Variants in MCOLN2 observed in about 807,000 individuals in gnomAD.
MCOLN2 encodes mucolipin TRP cation channel 2.
In MCOLN2, 57 loss-of-function variants were observed where a neutral mutation model predicts 67.5. The observed-to-expected ratio is 0.84, with a 90% confidence interval of 0.68 to 1.05. MCOLN2 has a LOEUF of 1.05. Ranked by LOEUF, MCOLN2 falls within the 50% of genes least tolerant of loss-of-function variation. The pLI is 0.00. For missense variants in MCOLN2, 620 were observed against 678.8 expected (o/e 0.91, Z 0.96); for synonymous variants, 246 against 233.3 (o/e 1.05, Z -0.50).
chr1:84,965,523 C>T, intron 2 of MCOLN2, 26 bp downstream of exon 2: 1 of 1,605,630 alleles, frequency 6.2e-7, no homozygotes, highest in Non-Finnish European at 8.5e-7. Context: ...AAGGGAAAAA[C>T]CAAATGAAAT....
chr1:84,952,270 T>C lies in MCOLN2; in HGVS notation c.720A>G (p.Leu240=). 6 of 1,613,238 alleles carry C rather than the reference T, an allele frequency of 3.7e-6. No individual in the cohort carries two copies. The highest frequency in any genetic ancestry group is 5.1e-6 in the Non-Finnish European group (6 of 1,179,502). The part of the protein sequence containing the change: ...IDLQTIHSRE[L]PDCYVFQNTI... Reference sequence around the variant, plus strand: ...TATTCTGAAAGACATAACAGTCTGGTAACTCACGGGAATGAATTGTCTGTA... The same window carrying C: ...TATTCTGAAAGACATAACAGTCTGGCAACTCACGGGAATGAATTGTCTGTA... The change falls in exon 6 of 14, where the codon TTA becomes TTG. Residue 240 remains leucine (L), a synonymous_variant. Transcript: ENST00000370608.
intron 1 of MCOLN2, among the ~76,000 whole-genome samples, chr1:84,977,200 T>C (rs1442363667): frequency 2.6e-5 from 4 of 151,992 alleles, no homozygotes; most frequent in African/African-American, 9.7e-5. Flanking sequence ...GTTTATAAGA[T>C]AGTATTTACA....
intron 11 of MCOLN2, among the ~76,000 whole-genome samples, chr1:84,936,423 G>A (rs553496934): frequency 5.3e-5 from 8 of 152,180 alleles, no homozygotes; most frequent in Non-Finnish European, 1.0e-4. Flanking sequence ...TGACAAAGAG[G>A]TGGAAAAGCT....
intron 1 of MCOLN2, among the ~76,000 whole-genome samples, chr1:84,966,278 TA>T (rs928499985): frequency 9.9e-5 from 15 of 151,360 alleles, no homozygotes; most frequent in Non-Finnish European, 1.6e-4. Flanking sequence ...AAAAACAAAA[TA>T]AAAAAAACAA....
chr1:84,993,821 G>A (rs1418650301), intron 1 of MCOLN2, among the ~76,000 whole-genome samples: 2 of 151,164 alleles, frequency 1.3e-5, no homozygotes, highest in African/African-American at 2.4e-5. Context: ...TAGTAGAGAC[G>A]GGGTTTCACC....
At chr1:84,968,955 C>T (rs1649518486) in intron 1 of MCOLN2, among the ~76,000 whole-genome samples, 1 of 152,196 alleles carries the variant, frequency 6.6e-6, no homozygotes, top group African/African-American at 2.4e-5. Flanking sequence ...TTTGTTCATA[C>T]CCTTTTTGTC....
chr1:84,948,411 A>G (rs904570162), intron 6 of MCOLN2, among the ~76,000 whole-genome samples: 2 of 152,118 alleles, frequency 1.3e-5, no homozygotes, highest in Non-Finnish European at 2.9e-5. Flanking sequence ...TAACCAACCA[A>G]CACCCTAGGG....
intron 1 of MCOLN2, among the ~76,000 whole-genome samples, chr1:84,982,995 G>C (rs1221328505): frequency 6.6e-6 from 1 of 152,154 alleles, no homozygotes; most frequent in Non-Finnish European, 1.5e-5. Flanking sequence ...TGGGATTACA[G>C]GGGTGAGCCA....
In MCOLN2 at chr1:84,952,316, A is replaced by G; in HGVS notation, c.674T>C (p.Phe225Ser). Residue 225 changes from phenylalanine (F) to serine (S), a missense_variant, in exon 6 of 14, where the codon TTT becomes TCT. By Grantham distance (155) the Phe-to-Ser change is radical. Transcript: ENST00000370608. ...FYRLLQVEIS[F>S]HLKGIDLQTI... is the part of the protein sequence containing the mutation. ...CTGTAGGTCAATGCCTTTAAGATGA[A>G]AGGAGATTTCAACCTGTAAGAGCCT... is the stretch of plus-strand genomic sequence containing the variant. The G allele has an allele frequency of 6.2e-7, 1 of 1,613,562 alleles. No homozygotes were observed. Among genetic ancestry groups the G allele is most frequent in the Non-Finnish European group, 8.5e-7 (1 of 1,179,628 alleles).
At chr1:84,952,103 G>A (rs1322755784) in intron 6 of MCOLN2, 140 bp downstream of exon 6, 1 of 608,416 alleles carries the variant, frequency 1.6e-6, no homozygotes, top group Non-Finnish European at 2.9e-6. Context: ...AAAGAAAAGA[G>A]TATCATATTG....
At chr1:84,992,006 G>C (rs1027838233) in intron 1 of MCOLN2, among the ~76,000 whole-genome samples, 3 of 152,088 alleles carry the variant, frequency 2.0e-5, no homozygotes, top group African/African-American at 7.2e-5. Context: ...TCTCCCTAAG[G>C]AAAAGAAATT....
rs189857164 is a variant in MCOLN2, at chr1:84,927,590, G to T, written c.1665-869C>A. Among the ~76,000 whole-genome samples the T allele has an allele frequency of 2.0e-5, 3 of 152,346 alleles. No individual in the cohort carries two copies. The East Asian group carries it at 5.8e-4, about 29-fold the overall frequency. ...CTCAAAGGAGAATCAAATGTGTGCT[G>T]GTTGTTGGACTGCTTTGTTGAAGAG... On this transcript the variant is annotated intron_variant, in intron 13 of 13. Transcript: ENST00000370608.
At chr1:84,952,600 G>T in intron 4 of MCOLN2, 70 bp from the exon 5 acceptor site, 1 of 968,620 alleles carries the variant, frequency 1.0e-6, no homozygotes, top group Non-Finnish European at 1.7e-6. Flanking sequence ...ATGGGTGAAA[G>T]TGTGACAAGA....
In MCOLN2 at chr1:84,994,349, C is replaced by G. The variant is rs1239321416; in HGVS notation, c.77+2447G>C. Among the ~76,000 whole-genome samples, 4 of 122,410 alleles carry G rather than the reference C, an allele frequency of 3.3e-5. No individual in the cohort carries two copies. The East Asian group carries it at 1.3e-3, about 40-fold the overall frequency. The allele number at this position is 122,410 out of a possible 152,430, so 80.3% of individuals were successfully genotyped here. ...TTGCACCTTTGAAATCAGATGCTGG[C>G]TTGTCCTCTCTACTAGGAAAGTCCT... On this transcript the variant is annotated intron_variant, in intron 1 of 13. Transcript: ENST00000370608.
At position 84,939,721 on chromosome 1, in the gene MCOLN2, G is replaced by T. The variant is rs1276455850; in HGVS notation, c.961-19C>A. On this transcript the variant is annotated intron_variant, in intron 8 of 13. Coordinates refer to ENST00000370608, the MANE Select transcript of MCOLN2 (RefSeq NM_153259.4). Reference sequence around the variant, plus strand: ...GAAATCTCTATGGCAAACATTTAAAGAAGCGTTTCTTACAAACCACACTGC... The same window carrying T: ...GAAATCTCTATGGCAAACATTTAAATAAGCGTTTCTTACAAACCACACTGC... 2 of 1,613,380 alleles carry T rather than the reference G, an allele frequency of 1.2e-6. No homozygotes were observed. The highest frequency in any genetic ancestry group is 2.7e-5 in the African/African-American group (2 of 74,838).
chr1:84,969,876 T>C (rs1189155131), intron 1 of MCOLN2, among the ~76,000 whole-genome samples: 2 of 152,142 alleles, frequency 1.3e-5, no homozygotes, highest in Admixed American at 6.5e-5. Context: ...GTTCTGACTC[T>C]GGAGAGAGGG....
At chr1:84,934,978 T>C (rs199570413) in intron 11 of MCOLN2, among the ~76,000 whole-genome samples, 1 of 152,318 alleles carries the variant, frequency 6.6e-6, no homozygotes, top group East Asian at 1.9e-4. Context: ...GTCTCCTTTT[T>C]AGTTGTTTTG....
intron 2 of MCOLN2, among the ~76,000 whole-genome samples, chr1:84,961,086 T>C (rs1300372906): frequency 6.6e-6 from 1 of 152,216 alleles, no homozygotes. Flanking sequence ...TGTCAAACAC[T>C]GAATCAGCTG....
rs71097870 is a variant in MCOLN2 at position 84,971,499 on chromosome 1, TACACACACACACAC to T, written c.78-5805_78-5792del. Among the ~76,000 whole-genome samples, 74 of 132,256 alleles carry T rather than the reference TACACACACACACAC, an allele frequency of 5.6e-4. No individual in the cohort carries two copies. The East Asian group carries it at 5.7e-3, about 10-fold the overall frequency. 86.8% of individuals were successfully genotyped at this position (132,256 alleles called of 152,430 possible). A position where few individuals can be genotyped will look rare whatever the true frequency, so the allele number is the denominator to read the frequency against. ...GTAGATGAAGGGTATTAAACAGACA[TACACACACACACAC>T]ACACACACACACACACACACACACA... On this transcript the variant is annotated intron_variant, in intron 1 of 13. Coordinates refer to ENST00000370608, the MANE Select transcript of MCOLN2 (RefSeq NM_153259.4).
Sources: gnomAD v4.1 joint callset for allele counts (sites outside exome capture counted in the v4.1 genomes callset) on GRCh38, gnomAD v4.1.1 for gene constraint, MANE v1.5 for transcripts, NCBI Gene and HGNC (gene_info 2026-07-23, HGNC 2026-07-21) for gene names.